The following NR3C1 variants were observed in gnomAD, a reference collection of about 807,000 sequenced individuals.
The protein encoded by NR3C1 is glucocorticoid receptor.
A neutral mutation model predicts 74.0 loss-of-function variants in NR3C1; 14 were observed. The observed-to-expected ratio is 0.19, with a 90% confidence interval of 0.12 to 0.30. The LOEUF (loss-of-function observed/expected upper bound fraction) is 0.30. NR3C1 is among the 10% of genes least tolerant of loss of function. NR3C1 has a pLI of 1.00. For synonymous variants in NR3C1, 308 were observed against 332.5 expected, an observed-to-expected ratio of 0.93 and a Z score of 0.80; for missense variants, 695 against 909.8, an observed-to-expected ratio of 0.76 and a Z score of 3.04.
At chr5:143,284,496 T>C (rs1240681777) in intron 7 of NR3C1, among the ~76,000 whole-genome samples, 1 of 152,154 alleles carries the variant, frequency 6.6e-6, no homozygotes, top group Non-Finnish European at 1.5e-5. Context: ...AAAATCTAAT[T>C]ATTGCAAAAT....
rs1239636542 is a variant in NR3C1 at position 143,300,759 on chromosome 5, T to C, written c.1473A>G (p.Arg491=). 1.2e-6 allele frequency: 2 copies of C among 1,613,544 alleles called. No individual in the cohort carries two copies. The highest frequency in any genetic ancestry group is 2.2e-5 in the East Asian group (1 of 44,896). ...CLQAGMNLEA[R]KTKKKIKGIQ... ...TTCCTTTTATTTTTTTCTTTGTTTT[T>C]CGAGCTGTGGGTATTTAAACAAATA... The change falls in exon 5 of 9, where the codon CGA becomes CGG. Residue 491 remains arginine (R), a synonymous_variant. Coordinates refer to ENST00000394464, the MANE Select transcript of NR3C1 (RefSeq NM_000176.3). This position sits in a 1 kb window ranked among gnomAD's most constrained non-coding sequence, Gnocchi z 5.2.
upstream of NR3C1, among the ~76,000 whole-genome samples, chr5:143,406,173 C>T (rs1841098207): frequency 6.6e-6 from 1 of 151,298 alleles, no homozygotes; most frequent in South Asian, 2.1e-4. Context: ...ATACAGTTGT[C>T]TAATAGAACA....
intron 2 of NR3C1, among the ~76,000 whole-genome samples, chr5:143,336,033 A>T (rs1827059489): frequency 6.6e-6 from 1 of 152,174 alleles, no homozygotes; most frequent in Non-Finnish European, 1.5e-5. Flanking sequence ...AAATTTGCCT[A>T]TTTCTCTGTT....
intron 1 of NR3C1, among the ~76,000 whole-genome samples, chr5:143,429,788 C>T (rs1751716555): frequency 6.6e-6 from 1 of 152,088 alleles, no homozygotes; most frequent in African/African-American, 2.4e-5. Context: ...CATCAAAAAT[C>T]ATGGTTTTTG....
At chr5:143,284,960 G>A (rs1814021505) in intron 7 of NR3C1, among the ~76,000 whole-genome samples, 1 of 151,774 alleles carries the variant, frequency 6.6e-6, no homozygotes, top group Admixed American at 6.6e-5. Context: ...TTAATTTATG[G>A]GTCAGACTAC....
intron 2 of NR3C1, among the ~76,000 whole-genome samples, chr5:143,374,354 C>T (rs961538405): frequency 2.6e-5 from 4 of 151,936 alleles, no homozygotes; most frequent in South Asian, 2.1e-4. Context: ...TAGCCGGGCG[C>T]GGTGGCAGGC....
At chr5:143,383,758 C>T (rs1836684803) in intron 2 of NR3C1, among the ~76,000 whole-genome samples, 1 of 152,036 alleles carries the variant, frequency 6.6e-6, no homozygotes, top group African/African-American at 2.4e-5. Context: ...GGACTCATGG[C>T]AAGGAATTTG....
intron 2 of NR3C1, among the ~76,000 whole-genome samples, chr5:143,376,568 T>C (rs942708533): frequency 6.6e-6 from 1 of 152,250 alleles, no homozygotes; most frequent in East Asian, 1.9e-4. Flanking sequence ...ATTCTCCTCA[T>C]GTTATCAGGG....
rs1265407805 is a variant in NR3C1, at chr5:143,400,356, C to G, written c.484G>C (p.Asp162His). 6.2e-7 allele frequency: 1 copy of G among 1,614,128 alleles called. No individual in the cohort carries two copies. The highest frequency in any genetic ancestry group is 8.5e-7 in the Non-Finnish European group (1 of 1,180,022). ...TEKEFPKTHS[D>H]VSSEQQHLKG... ...AAATGTTGCTGTTCTGAAGATACAT[C>G]AGAGTGAGTTTTTGGAAACTCCTTC... The change falls in exon 2 of 9, where the codon GAT becomes CAT. Residue 162 changes from aspartate (D) to histidine (H), a missense_variant. Physicochemically the swap from Asp to His is moderately conservative, Grantham distance 81. Around this residue, in one of 4 missense-constraint regions of NR3C1, gnomAD observed 497 missense variants for 489.5 expected, o/e 1.02. Transcript: ENST00000394464.
intron 1 of NR3C1, among the ~76,000 whole-genome samples, chr5:143,409,716 T>C (rs1480669606): frequency 2.6e-5 from 4 of 152,358 alleles, no homozygotes; most frequent in African/African-American, 9.6e-5. Context: ...CAGACATGCC[T>C]ATTATAAACA....
intron 1 of NR3C1, among the ~76,000 whole-genome samples, chr5:143,416,267 T>C (rs114942701): frequency 0.01 from 1,561 of 152,282 alleles, 24 homozygotes; most frequent in African/African-American, 0.035. Flanking sequence ...AACCCATCTG[T>C]AACTCTGCAT....
At chr5:143,379,085 C>A (rs1417280623) in intron 2 of NR3C1, among the ~76,000 whole-genome samples, 3 of 152,178 alleles carry the variant, frequency 2.0e-5, no homozygotes, top group African/African-American at 7.2e-5. Context: ...GAAAATACCC[C>A]CAGTGAGTGG....
Position 143,403,409 on chromosome 5 carries a change from C to A in NR3C1, c.-212G>T. On this transcript the variant is annotated 5_prime_UTR_variant, in exon 1 of 9. Coordinates refer to ENST00000394464, the MANE Select transcript of NR3C1 (RefSeq NM_000176.3). ...AGAAAGTCTCCCATTGCCCAGCTGA[C>A]AAGCCAGCCCTCCGCCCCGCGCCGG... 1 of 984,646 alleles carries A rather than the reference C, an allele frequency of 1.0e-6. No homozygotes were observed. Among genetic ancestry groups the A allele is most frequent in the Non-Finnish European group, 1.2e-6 (1 of 829,790 alleles). The allele number at this position is 984,646 out of a possible 1,614,324, so 61.0% of individuals were successfully genotyped here. A position where few individuals can be genotyped will look rare whatever the true frequency, so the allele number is the denominator to read the frequency against.
chr5:143,423,114 G>A (rs72802810), intron 1 of NR3C1, among the ~76,000 whole-genome samples: 27,087 of 152,080 alleles, frequency 0.18, 2,592 homozygotes, highest in Middle Eastern at 0.33. Flanking sequence ...CAGTCAACCA[G>A]TGCAAAAGTG....
intron 1 of NR3C1, among the ~76,000 whole-genome samples, chr5:143,423,321 C>A (rs1361225150): frequency 1.3e-5 from 2 of 152,116 alleles, no homozygotes; most frequent in Non-Finnish European, 2.9e-5. Context: ...GTCAAAAGAT[C>A]TGAATAGATG....
chr5:143,434,904 A>C (rs1227502895), exon 1 of NR3C1: 2 of 985,304 alleles, frequency 2.0e-6, no homozygotes, highest in Admixed American at 1.2e-4. Flanking sequence ...CAAACCAGAG[A>C]ATTTCAGAAG....
At chr5:143,355,387 G>T (rs1270143684) in intron 2 of NR3C1, among the ~76,000 whole-genome samples, 1 of 152,058 alleles carries the variant, frequency 6.6e-6, no homozygotes, top group Non-Finnish European at 1.5e-5. Flanking sequence ...GAGGTGGGAG[G>T]ACAGTCTGAG....
chr5:143,290,193 C>T (rs1320750598), intron 7 of NR3C1, among the ~76,000 whole-genome samples: 1 of 152,124 alleles, frequency 6.6e-6, no homozygotes, highest in Non-Finnish European at 1.5e-5. Flanking sequence ...AATGTAGCTC[C>T]TTCGGTTTTG....
intron 7 of NR3C1, among the ~76,000 whole-genome samples, chr5:143,284,113 T>A (rs1394353667): frequency 6.6e-6 from 1 of 152,152 alleles, no homozygotes; most frequent in African/African-American, 2.4e-5. Flanking sequence ...AGAGTCTTGC[T>A]GTGTTGCCTA....
Sources: allele counts gnomAD v4.1 joint callset (sites outside exome capture counted in the v4.1 genomes callset), GRCh38; gene constraint gnomAD v4.1.1; regional missense constraint gnomAD v4.1.1; non-coding constraint Gnocchi (gnomAD v3.1); transcripts MANE v1.5; gene names NCBI Gene and HGNC (gene_info 2026-07-23, HGNC 2026-07-21).